The following DENND2A variants were observed in gnomAD, a reference collection of about 807,000 sequenced individuals.
DENND2A encodes DENN domain-containing protein 2A.
A neutral mutation model predicts 105.3 loss-of-function variants in DENND2A; 53 were observed. The ratio of observed to expected loss-of-function variants is 0.50; its 90% CI spans 0.40 to 0.63. The LOEUF (loss-of-function observed/expected upper bound fraction) is 0.63. Ranked by LOEUF, DENND2A falls within the 30% of genes least tolerant of loss-of-function variation. The probability of loss-of-function intolerance (pLI) is 0.00; values close to 1 mark genes in which losing one functional copy is unlikely to be tolerated. For synonymous variants in DENND2A, 522 were observed against 508.4 expected, an observed-to-expected ratio of 1.03 and a Z score of -0.36; for missense variants, 1,138 against 1,279.6, an observed-to-expected ratio of 0.89 and a Z score of 1.69.
chr7:140,564,617 A>C (rs1797760950), intron 9 of DENND2A, among the ~76,000 whole-genome samples: 1 of 152,180 alleles, frequency 6.6e-6, no homozygotes, highest in African/African-American at 2.4e-5. Flanking sequence ...TTTCTTTCCT[A>C]ATACATTTCT....
rs765632778 is a variant in DENND2A, at chr7:140,555,700, C to A, written c.1973G>T (p.Gly658Val). 2 of 1,604,930 alleles carry A rather than the reference C, an allele frequency of 1.2e-6. No homozygotes were observed. Among genetic ancestry groups the A allele is most frequent in the East Asian group, 4.5e-5 (2 of 44,480 alleles). ...YCRRLLPGGKGKRLPEVYCIV... is the reference protein window; with the variant it reads ...YCRRLLPGGKVKRLPEVYCIV... The stretch of plus-strand genomic sequence containing the variant: ...GCAGTAAACTTCAGGAAGGCGCTTC[C>A]CTTTGCCTCCAGGCTTTTCGGAGAG... Residue 658 changes from glycine (G) to valine (V), a missense_variant, in exon 12 of 20, where the codon GGG becomes GTG. Physicochemically the swap from Gly to Val is moderately radical, Grantham distance 109 (BLOSUM62 -3). Coordinates refer to ENST00000496613, the MANE Select transcript of DENND2A (RefSeq NM_015689.5).
At chr7:140,554,994 G>A (rs1393027690) in intron 12 of DENND2A, among the ~76,000 whole-genome samples, 1 of 152,060 alleles carries the variant, frequency 6.6e-6, no homozygotes, top group African/African-American at 2.4e-5. Flanking sequence ...AAGCTCATAT[G>A]ACAAAAGGCA....
intron 10 of DENND2A, among the ~76,000 whole-genome samples, chr7:140,558,646 A>C (rs1180653660): frequency 2.0e-5 from 3 of 151,224 alleles, no homozygotes; most frequent in Non-Finnish European, 4.4e-5. Flanking sequence ...CAGTGAGCCA[A>C]GATCATGCCA....
chr7:140,551,370 C>T (rs926253657), intron 12 of DENND2A, among the ~76,000 whole-genome samples: 6 of 150,168 alleles, frequency 4.0e-5, no homozygotes, highest in Admixed American at 6.6e-5. Context: ...CTGGGCAGAA[C>T]GAGGCAGAAG....
At chr7:140,535,090 A>G (rs1384092763) in intron 14 of DENND2A, among the ~76,000 whole-genome samples, 1 of 152,204 alleles carries the variant, frequency 6.6e-6, no homozygotes, top group Non-Finnish European at 1.5e-5. Context: ...TCCTATGCTC[A>G]GCTGGCTTCC....
chr7:140,609,181 T>C (rs1049271440), intron 1 of DENND2A, among the ~76,000 whole-genome samples: 2 of 152,190 alleles, frequency 1.3e-5, no homozygotes, highest in East Asian at 1.9e-4. Context: ...TCCATAAAAA[T>C]AGAACTTCCC....
Position 140,640,499 on chromosome 7 carries a change from C to T in DENND2A, c.-248+5G>A, listed in dbSNP as rs1801161538. 6 of 151,182 alleles carry T rather than the reference C, an allele frequency of 4.0e-5. No homozygotes were observed. The highest frequency in any genetic ancestry group is 1.5e-4 in the African/African-American group (6 of 41,274). 9.4% of individuals were successfully genotyped at this position (151,182 alleles called of 1,614,324 possible). On this transcript the variant is annotated splice_donor_5th_base_variant and intron_variant, in intron 1 of 19. Coordinates refer to ENST00000496613, the MANE Select transcript of DENND2A (RefSeq NM_015689.5). The surrounding 1 kb of genome is among the most constrained non-coding windows in gnomAD (Gnocchi z 4.9). ...CCTGCACCCCCTGGCCCGGCCCGGC[C>T]CTACCTCCCCGCGGGCGGCGGCTCC...
chr7:140,626,540 G>A (rs1800539932), intron 1 of DENND2A, among the ~76,000 whole-genome samples: 1 of 152,152 alleles, frequency 6.6e-6, no homozygotes, highest in African/African-American at 2.4e-5. Flanking sequence ...GAATGCACCC[G>A]TAGGTCACGT....
At chr7:140,533,181 C>T (rs997939346) in intron 14 of DENND2A, among the ~76,000 whole-genome samples, 7 of 152,132 alleles carry the variant, frequency 4.6e-5, no homozygotes, top group Middle Eastern at 3.4e-3. Flanking sequence ...TTGGTAGAGA[C>T]GGGATTTCAC....
intron 5 of DENND2A, among the ~76,000 whole-genome samples, chr7:140,579,239 G>A (rs1397912158): frequency 6.6e-6 from 1 of 151,930 alleles, no homozygotes; most frequent in Non-Finnish European, 1.5e-5. Flanking sequence ...GTTGCAGTAA[G>A]TCACGATTGT....
At chr7:140,589,688 G>A (rs1268511421) in intron 3 of DENND2A, among the ~76,000 whole-genome samples, 1 of 152,146 alleles carries the variant, frequency 6.6e-6, no homozygotes, top group East Asian at 1.9e-4. Context: ...GGAGTGCAGT[G>A]GTGCCACCAC....
At chr7:140,532,366 TG>T (rs1397152092) in intron 14 of DENND2A, among the ~76,000 whole-genome samples, 2 of 152,232 alleles carry the variant, frequency 1.3e-5, no homozygotes, top group African/African-American at 4.8e-5. Context: ...AGTGCCTAAA[TG>T]TGACTTGGAA....
chr7:140,532,747 C>G (rs1796312197), intron 14 of DENND2A, among the ~76,000 whole-genome samples: 1 of 151,916 alleles, frequency 6.6e-6, no homozygotes, highest in Admixed American at 6.6e-5. Flanking sequence ...GATCCAGGCA[C>G]AGTGGCATGT....
At chr7:140,581,549 G>T (rs1798542244) in intron 5 of DENND2A, among the ~76,000 whole-genome samples, 1 of 152,168 alleles carries the variant, frequency 6.6e-6, no homozygotes, top group Non-Finnish European at 1.5e-5. Flanking sequence ...AAGCTTTAGG[G>T]TCCCAGATGC....
rs192862056 is a variant in DENND2A, at chr7:140,618,909, C to T, written c.-247-13103G>A. Among the ~76,000 whole-genome samples, 36 of 152,264 alleles carry T rather than the reference C, an allele frequency of 2.4e-4. 1 individual carries two copies. Among genetic ancestry groups the T allele is most frequent in the African/African-American group, 7.7e-4 (32 of 41,556 alleles). On this transcript the variant is annotated intron_variant, in intron 1 of 19. Coordinates refer to ENST00000496613, the MANE Select transcript of DENND2A (RefSeq NM_015689.5). ...TGCCTCCCGGGTTCACGCCATTCTC[C>T]TGCCTCAGCCTCCAGAGTAGCTGGG...
At chr7:140,581,689 G>A (rs1011435321) in intron 5 of DENND2A, among the ~76,000 whole-genome samples, 2 of 152,280 alleles carry the variant, frequency 1.3e-5, no homozygotes, top group African/African-American at 2.4e-5. Context: ...TAATGAGCAC[G>A]GACACCGTGT....
At chr7:140,636,561 T>A (rs1240557194) in intron 1 of DENND2A, among the ~76,000 whole-genome samples, 2 of 152,036 alleles carry the variant, frequency 1.3e-5, no homozygotes, top group Admixed American at 6.6e-5. Context: ...TCTCTATACG[T>A]GACTGCTAGA....
chr7:140,638,549 C>A (rs1801044673), intron 1 of DENND2A, among the ~76,000 whole-genome samples: 1 of 152,180 alleles, frequency 6.6e-6, no homozygotes. Flanking sequence ...GCGCATCACT[C>A]CTGCTTCAGT....
At chr7:140,608,321 C>T (rs1053288043) in intron 1 of DENND2A, among the ~76,000 whole-genome samples, 6 of 152,164 alleles carry the variant, frequency 3.9e-5, no homozygotes, top group African/African-American at 1.4e-4. Context: ...TCTGAATTCA[C>T]AAAGATATTA....
Sources: gnomAD v4.1 joint callset for allele counts (sites outside exome capture counted in the v4.1 genomes callset) on GRCh38, gnomAD v4.1.1 for gene constraint, Gnocchi (gnomAD v3.1) non-coding constraint, MANE v1.5 for transcripts, NCBI Gene and HGNC (gene_info 2026-07-23, HGNC 2026-07-21) for gene names.